The following EPS8L3 variants were observed in gnomAD, a reference collection of about 807,000 sequenced individuals.
EPS8L3 encodes the protein EPS8 signaling adaptor L3.
A neutral mutation model predicts 88.5 loss-of-function variants in EPS8L3; 80 were observed. The ratio of observed to expected loss-of-function variants is 0.90; its 90% confidence interval spans 0.75 to 1.09. The LOEUF is 1.09. Among genes scored for constraint, EPS8L3 ranks in the 50% least tolerant of loss-of-function variants. The probability of loss-of-function intolerance (pLI) is 0.00; values close to 1 mark genes in which losing one functional copy is unlikely to be tolerated. For synonymous variants in EPS8L3, 286 were observed against 291.0 expected (o/e 0.98, Z 0.18); for missense variants, 721 against 735.2 (o/e 0.98, Z 0.22).
In EPS8L3 at chr1:109,758,508, C is replaced by T; in HGVS notation, c.601+16G>A. ...CGAAACCCTCTCCTTCACCTGCCCC[C>T]ATGCCCCAAACTTACTGTGCTCTAG... On this transcript the variant is annotated intron_variant, in intron 7 of 18. Coordinates refer to ENST00000361965, the MANE Select transcript of EPS8L3 (RefSeq NM_133181.4). The T allele has an allele frequency of 6.4e-7, 1 of 1,565,538 alleles. No homozygotes were observed. The highest frequency in any genetic ancestry group is 8.6e-7 in the Non-Finnish European group (1 of 1,156,354).
At position 109,750,762 on chromosome 1, in the gene EPS8L3, CCCCGT is replaced by C. The variant is rs1649713195; in HGVS notation, c.1663_1667del (p.Thr555GlufsTer61). 1 of 1,614,074 alleles carries C rather than the reference CCCCGT, an allele frequency of 6.2e-7. No individual in the cohort carries two copies. The highest frequency in any genetic ancestry group is 1.3e-5 in the African/African-American group (1 of 74,936). ...CAGGTCTTATGCGAAGTAGCTGGCT[CCCCGT>C]CAGGGACCCAAGTGTCCTCACCGTG... On this transcript the variant is annotated frameshift_variant, in exon 18 of 19. Coordinates refer to ENST00000361965, the MANE Select transcript of EPS8L3 (RefSeq NM_133181.4). LOFTEE classifies it high-confidence loss of function.
At chr1:109,758,159 C>T in intron 8 of EPS8L3, 101 bp from the exon 9 acceptor site, 1 of 1,318,256 alleles carries the variant, frequency 7.6e-7, no homozygotes, top group Non-Finnish European at 1.1e-6. Context: ...GCCCCAGCCT[C>T]AGGCCCAGCC....
chr1:109,761,344 T>G, intron 3 of EPS8L3, 151 bp downstream of exon 3: 1 of 666,466 alleles, frequency 1.5e-6, no homozygotes, highest in Non-Finnish European at 2.6e-6. Flanking sequence ...GGCAGGCTTG[T>G]TGGATCTGAG....
chr1:109,757,526 T>C lies in EPS8L3; in HGVS notation c.924A>G (p.Thr308=). 6.2e-7 allele frequency: 1 copy of C among 1,614,110 alleles called. No homozygotes were observed. Among genetic ancestry groups the C allele is most frequent in the Non-Finnish European group, 8.5e-7 (1 of 1,180,004 alleles). ...GGATGTGTACGAGCTCAGGGGCACT[T>C]GTCTCCTTCAGCCAGGTGGCCAGCC... ...LGRLATWLKE[T]SAPELVHILF... is the part of the protein sequence containing the mutation. Residue 308 remains threonine, a synonymous_variant, in exon 11 of 19, where the codon ACA becomes ACG. Transcript: ENST00000361965.
chr1:109,752,537 A>C (rs202157162), intron 14 of EPS8L3, 149 bp downstream of exon 14: 3 of 715,108 alleles, frequency 4.2e-6, no homozygotes, highest in Middle Eastern at 6.5e-4. Context: ...TTTTCACCCA[A>C]GGTAGGAGAG....
At chr1:109,754,131 C>T (rs749201577) in intron 12 of EPS8L3, among the ~76,000 whole-genome samples, 14 of 152,282 alleles carry the variant, frequency 9.2e-5, no homozygotes, top group African/African-American at 3.1e-4. Context: ...TATAAGCTGT[C>T]ATCCTATTAC....
chr1:109,759,040 G>T lies in EPS8L3; in HGVS notation c.461+22C>A. Reference sequence around the variant, plus strand: ...GGCTGAGCTGGGAGGCCCCATAGGTGGGCTGGGCAGAGGCTGCCTACCTTT... The same window carrying T: ...GGCTGAGCTGGGAGGCCCCATAGGTTGGCTGGGCAGAGGCTGCCTACCTTT... On this transcript the variant is annotated intron_variant, in intron 6 of 18. Coordinates refer to ENST00000361965, the MANE Select transcript of EPS8L3 (RefSeq NM_133181.4). This position sits in a 1 kb window ranked among gnomAD's most constrained non-coding sequence, Gnocchi z 4.2. 6.3e-7 allele frequency: 1 copy of T among 1,585,114 alleles called. No homozygotes were observed. The highest frequency in any genetic ancestry group is 1.1e-5 in the South Asian group (1 of 88,130).
In EPS8L3 at chr1:109,758,395, G is replaced by A. The variant is rs1282680264; in HGVS notation, c.638C>T (p.Thr213Ile). The change falls in exon 8 of 19, where the codon ACC (threonine) becomes ATC (isoleucine). Residue 213 changes from threonine (T) to isoleucine (I), a missense_variant. By Grantham distance (89) the Thr-to-Ile change is moderately conservative. Transcript: ENST00000361965. ...AAAGGCACTTGGTTCTCGGGCACTG[G>A]TGTGGCGTGGCAGGGGCCTTGGGGA... ...PPSPRPLPRH[T>I]SAREPSAFTL... The A allele has an allele frequency of 3.7e-6, 6 of 1,612,148 alleles. No individual in the cohort carries two copies. Among genetic ancestry groups the A allele is most frequent in the Non-Finnish European group, 3.4e-6 (4 of 1,179,136 alleles).
chr1:109,757,131 G>T lies in EPS8L3; in HGVS notation c.1004C>A (p.Ala335Asp). Residue 335 changes from alanine to aspartate, a missense_variant, in exon 12 of 19, where the codon GCC becomes GAC. Ala to Asp is a moderately radical substitution (Grantham distance 126, BLOSUM62 -2). Coordinates refer to ENST00000361965, the MANE Select transcript of EPS8L3 (RefSeq NM_133181.4). ...LARCPEAGLA[A>D]QVISPLLTPK... The stretch of plus-strand genomic sequence containing the variant: ...GGTGAGGAGGGGTGAGATCACTTGG[G>T]CTGCTAGGCCAGCCTCAGGGCACCT... 1 of 1,613,614 alleles carries T rather than the reference G, an allele frequency of 6.2e-7. No homozygotes were observed. Among genetic ancestry groups the T allele is most frequent in the East Asian group, 2.2e-5 (1 of 44,878 alleles).
At chr1:109,757,395 T>A (rs1466807786) in intron 11 of EPS8L3, 86 bp downstream of exon 11, 5 of 1,320,038 alleles carry the variant, frequency 3.8e-6, no homozygotes, top group Admixed American at 1.8e-5. Context: ...TGCTCCCCCA[T>A]CCCCCTCCAC....
Position 109,751,679 on chromosome 1 carries a change from C to A in EPS8L3, c.1538G>T (p.Gly513Val), listed in dbSNP as rs983041666. The A allele has an allele frequency of 6.2e-7, 1 of 1,613,896 alleles. No individual in the cohort carries two copies. Among genetic ancestry groups the A allele is most frequent in the Non-Finnish European group, 8.5e-7 (1 of 1,180,004 alleles). Residue 513 changes from glycine to valine, a missense_variant, in exon 16 of 19, where the codon GGG (glycine) becomes GTG (valine). Transcript: ENST00000361965. ...ILEPLQPGTP[G>V]TQGQSPSRVP... The stretch of plus-strand genomic sequence containing the variant: ...CCGAGAGGGTGACTGGCCCTGGGTC[C>A]CAGGGGTCCCCGGCTGTAGGGGCTC...
At chr1:109,761,196 T>G in intron 3 of EPS8L3, 3 of 326,340 alleles carry the variant, frequency 9.2e-6, no homozygotes, top group Non-Finnish European at 1.7e-5. Context: ...GGGTGGGTGG[T>G]TGTAGGTGCT....
Position 109,759,144 on chromosome 1 carries a change from A to AGT in EPS8L3, c.406-29_406-28dup, listed in dbSNP as rs3220009. 0.023 allele frequency: 34,481 copies of AGT among 1,487,188 alleles called. 71 individuals carry two copies. Among genetic ancestry groups the AGT allele is most frequent in the Non-Finnish European group, 0.027 (28,877 of 1,076,588 alleles). 92.1% of individuals were successfully genotyped at this position (1,487,188 alleles called of 1,614,324 possible). On this transcript the variant is annotated intron_variant, in intron 5 of 18. Coordinates refer to ENST00000361965, the MANE Select transcript of EPS8L3 (RefSeq NM_133181.4). The surrounding 1 kb of genome is among the most constrained non-coding windows in gnomAD (Gnocchi z 4.2). The stretch of plus-strand genomic sequence containing the variant: ...TGGGAAGCAGCAGTCAGGCAGGCTA[A>AGT]GTGTGTGTGTGTGTGTGTGTGTGTG...
rs138687644 is a variant in EPS8L3 at position 109,759,369 on chromosome 1, G to T, written c.274C>A (p.Arg92Ser). The T allele has an allele frequency of 1.9e-6, 3 of 1,613,986 alleles. No individual in the cohort carries two copies. The highest frequency in any genetic ancestry group is 1.3e-5 in the African/African-American group (1 of 74,920). The stretch of plus-strand genomic sequence containing the variant: ...TTCATGGCCTGGATGCTGTCTAGGC[G>T]GTAAGAGTCCAGCTCCTCCTGGGCC... ...IETKEELDSY[R>S]LDSIQAMNVA... Residue 92 changes from arginine (R) to serine (S), a missense_variant, in exon 5 of 19, where the codon CGC becomes AGC. By Grantham distance (110) the Arg-to-Ser change is moderately radical. Coordinates refer to ENST00000361965, the MANE Select transcript of EPS8L3 (RefSeq NM_133181.4). The surrounding 1 kb of genome is among the most constrained non-coding windows in gnomAD (Gnocchi z 4.2).
In EPS8L3 at chr1:109,757,969, A is replaced by C. The variant is rs1300014985; in HGVS notation, c.807T>G (p.Phe269Leu). The C allele has an allele frequency of 1.2e-6, 2 of 1,613,840 alleles. No individual in the cohort carries two copies. The highest frequency in any genetic ancestry group is 3.3e-5 in the Admixed American group (2 of 59,994). ...AQAKTSRKKK[F>L]GKKNKDQGGL... Reference sequence around the variant, plus strand: ...CTCCCTGGTCCTTGTTTTTTTTCCCAAATTTCTTCTTCCTGCTGGTCTTTG... The same window carrying C: ...CTCCCTGGTCCTTGTTTTTTTTCCCCAATTTCTTCTTCCTGCTGGTCTTTG... Residue 269 changes from phenylalanine to leucine, a missense_variant, in exon 9 of 19, where the codon TTT becomes TTG. Transcript: ENST00000361965.
At position 109,759,167 on chromosome 1, in the gene EPS8L3, G is replaced by GTGTGT; in HGVS notation, c.406-55_406-51dup. 2 of 1,606,876 alleles carry GTGTGT rather than the reference G, an allele frequency of 1.2e-6. No individual in the cohort carries two copies. The highest frequency in any genetic ancestry group is 1.7e-6 in the Non-Finnish European group (2 of 1,174,372). On this transcript the variant is annotated intron_variant, in intron 5 of 18. Transcript: ENST00000361965. This position sits in a 1 kb window ranked among gnomAD's most constrained non-coding sequence, Gnocchi z 4.2. ...TAAGTGTGTGTGTGTGTGTGTGTGT[G>GTGTGT]TGTGTGTGTGTGTGTGGTGGGGTGA...
At chr1:109,761,441 A>G in intron 3 of EPS8L3, 54 bp downstream of exon 3, 2 of 1,519,580 alleles carry the variant, frequency 1.3e-6, no homozygotes, top group Non-Finnish European at 1.8e-6. Context: ...CGGTGGGCAC[A>G]TGGGAACACT....
chr1:109,763,070 T>G (rs1163298302), intron 1 of EPS8L3, among the ~76,000 whole-genome samples: 1 of 152,142 alleles, frequency 6.6e-6, no homozygotes, highest in African/African-American at 2.4e-5. Context: ...CCGGGTAACA[T>G]GTGAGAGAGC....
chr1:109,758,389 G>A lies in EPS8L3; in HGVS notation c.644C>T (p.Ala215Val), dbSNP rs757213019. 6.2e-7 allele frequency: 1 copy of A among 1,612,694 alleles called. No homozygotes were observed. The highest frequency in any genetic ancestry group is 8.5e-7 in the Non-Finnish European group (1 of 1,179,464). Residue 215 changes from alanine to valine, a missense_variant, in exon 8 of 19, where the codon GCC (alanine) becomes GTC (valine). By Grantham distance (64) the Ala-to-Val change is moderately conservative (BLOSUM62 0). Coordinates refer to ENST00000361965, the MANE Select transcript of EPS8L3 (RefSeq NM_133181.4). ...SPRPLPRHTS[A>V]REPSAFTLPP... The stretch of plus-strand genomic sequence containing the variant: ...CAGAGTAAAGGCACTTGGTTCTCGG[G>A]CACTGGTGTGGCGTGGCAGGGGCCT...
Sources: gnomAD v4.1 joint callset for allele counts (sites outside exome capture counted in the v4.1 genomes callset) on GRCh38, gnomAD v4.1.1 for gene constraint, Gnocchi (gnomAD v3.1) non-coding constraint, MANE v1.5 for transcripts, NCBI Gene and HGNC (gene_info 2026-07-23, HGNC 2026-07-21) for gene names.